The following PRKN variants were observed in gnomAD, a reference collection of about 807,000 sequenced individuals.
PRKN encodes parkin RBR E3 ubiquitin protein ligase.
A neutral mutation model predicts 59.5 loss-of-function variants in PRKN; 56 were observed. That is an observed-to-expected ratio of 0.94 (90% CI 0.76 to 1.18). The LOEUF (loss-of-function observed/expected upper bound fraction) is 1.18. Among genes scored for constraint, PRKN ranks in the 50% most tolerant of loss-of-function variants. The probability of loss-of-function intolerance (pLI) is 0.00; values close to 1 mark genes in which losing one functional copy is unlikely to be tolerated. For synonymous variants in PRKN, 250 were observed against 222.1 expected (o/e 1.13, Z -1.12); for missense variants, 657 against 596.4 (o/e 1.10, Z -1.06).
chr6:162,617,420 C>T (rs1782472750), intron 1 of PRKN, among the ~76,000 whole-genome samples: 1 of 152,064 alleles, frequency 6.6e-6, no homozygotes, highest in Non-Finnish European at 1.5e-5. Context: ...TTGGTAGAGA[C>T]AGGGTTTCAC....
intron 7 of PRKN, among the ~76,000 whole-genome samples, chr6:161,682,103 G>A (rs73783335): frequency 0.014 from 2,204 of 152,314 alleles, 51 homozygotes; most frequent in African/African-American, 0.05. Context: ...TGCACGCACT[G>A]GGCTCAGCTC....
chr6:161,806,738 C>T (rs547022050), intron 6 of PRKN, among the ~76,000 whole-genome samples: 1 of 152,282 alleles, frequency 6.6e-6, no homozygotes, highest in South Asian at 2.1e-4. Context: ...TATTGAACAT[C>T]CATCTGGTAT....
rs954432722 is a variant in PRKN at position 161,386,379 on chromosome 6, G to A, written c.1167+415C>T. ...AAGGACAATGATATCCTTACATAAT[G>A]TCATCTTTCTGTACATGCCACTCAC... On this transcript the variant is annotated intron_variant, in intron 10 of 11. Coordinates refer to ENST00000366898, the MANE Select transcript of PRKN (RefSeq NM_004562.3). The surrounding 1 kb of genome is among the most constrained non-coding windows in gnomAD (Gnocchi z 4.3). Among the ~76,000 whole-genome samples, 7 of 152,154 alleles carry A rather than the reference G, an allele frequency of 4.6e-5. No homozygotes were observed. The highest frequency in any genetic ancestry group is 7.3e-5 in the Non-Finnish European group (5 of 68,032).
chr6:162,608,101 C>T (rs1781996446), intron 1 of PRKN, among the ~76,000 whole-genome samples: 1 of 152,116 alleles, frequency 6.6e-6, no homozygotes, highest in Non-Finnish European at 1.5e-5. Flanking sequence ...GACAGCAATG[C>T]AAAGATTGAA....
intron 1 of PRKN, among the ~76,000 whole-genome samples, chr6:162,556,759 A>AAG (rs1232487863): frequency 2.6e-5 from 4 of 151,130 alleles, no homozygotes; most frequent in African/African-American, 4.9e-5. Context: ...AAAAAAAAAA[A>AAG]AAAAGAGAAA....
intron 1 of PRKN, among the ~76,000 whole-genome samples, chr6:162,700,489 C>G (rs1778117151): frequency 1.3e-5 from 2 of 152,084 alleles, no homozygotes; most frequent in Admixed American, 1.3e-4. Flanking sequence ...TCAACTCCAC[C>G]CACTTCTTAG....
intron 2 of PRKN, among the ~76,000 whole-genome samples, chr6:162,338,506 G>A (rs199743466): frequency 0.072 from 11,019 of 152,212 alleles, 989 homozygotes; most frequent in East Asian, 0.46. Flanking sequence ...CGCCAGCCTC[G>A]GCCTCCCGAG....
intron 2 of PRKN, among the ~76,000 whole-genome samples, chr6:162,377,991 C>A (rs1302079864): frequency 6.6e-6 from 1 of 152,200 alleles, no homozygotes; most frequent in Non-Finnish European, 1.5e-5. Context: ...TCTCTCCCAG[C>A]AGAGTGTGGG....
chr6:161,774,779 C>A (rs1325627766), intron 7 of PRKN, among the ~76,000 whole-genome samples: 1 of 152,210 alleles, frequency 6.6e-6, no homozygotes, highest in Non-Finnish European at 1.5e-5. Flanking sequence ...AGAAGTTAGA[C>A]TATTACCCTG....
At chr6:161,741,080 T>C (rs1180892677) in intron 7 of PRKN, among the ~76,000 whole-genome samples, 1 of 152,222 alleles carries the variant, frequency 6.6e-6, no homozygotes, top group Non-Finnish European at 1.5e-5. Flanking sequence ...TCCACAGCCA[T>C]ACATTTGCAT....
intron 3 of PRKN, among the ~76,000 whole-genome samples, chr6:162,212,148 T>C (rs559462619): frequency 1.3e-3 from 197 of 152,180 alleles, no homozygotes; most frequent in African/African-American, 4.7e-3. Context: ...ATCTAAGACC[T>C]CACTCAGGGG....
intron 1 of PRKN, among the ~76,000 whole-genome samples, chr6:162,681,531 T>G (rs1779768247): frequency 1.3e-5 from 2 of 152,168 alleles, no homozygotes; most frequent in Non-Finnish European, 2.9e-5. Flanking sequence ...GATGGGAAAT[T>G]TAAAGTTACA....
chr6:162,590,080 G>C (rs1051763183), intron 1 of PRKN, among the ~76,000 whole-genome samples: 1 of 152,146 alleles, frequency 6.6e-6, no homozygotes, highest in African/African-American at 2.4e-5. Context: ...GTGTGTGTGT[G>C]CATGTAAACA....
At chr6:162,221,268 A>G (rs1435725316) in intron 3 of PRKN, among the ~76,000 whole-genome samples, 4 of 152,152 alleles carry the variant, frequency 2.6e-5, no homozygotes, top group Admixed American at 6.5e-5. Flanking sequence ...ATTTGCTGCT[A>G]GTTGATGACA....
rs907585626 is a variant in PRKN, at chr6:162,677,000, G to A, written c.7+50662C>T. ...CGCTTGAACCCGGGAGGCAGAGGTA[G>A]CAGTGGGCAGAGACGGTGCAACTGC... On this transcript the variant is annotated intron_variant, in intron 1 of 11. Coordinates refer to ENST00000366898, the MANE Select transcript of PRKN (RefSeq NM_004562.3). 2.0e-5 allele frequency among the ~76,000 whole-genome samples: 3 copies of A among 149,020 alleles called. No individual in the cohort carries two copies. In the Admixed American group the frequency reaches 2.0e-4, roughly 10 times the overall value.
chr6:161,833,393 G>A (rs905497469), intron 6 of PRKN, among the ~76,000 whole-genome samples: 10 of 152,176 alleles, frequency 6.6e-5, no homozygotes, highest in Non-Finnish European at 1.5e-4. Context: ...TTTAAGATAA[G>A]TTAGGTAGCT....
chr6:162,727,428 G>A, intron 1 of PRKN: 1 of 507,050 alleles, frequency 2.0e-6, no homozygotes, highest in Non-Finnish European at 3.5e-6. Context: ...CGGTCTTCAT[G>A]AGAACGCTCA....
At chr6:162,685,256 T>C (rs2128233745) in intron 1 of PRKN, among the ~76,000 whole-genome samples, 1 of 152,276 alleles carries the variant, frequency 6.6e-6, no homozygotes, top group East Asian at 1.9e-4. Context: ...TGCAGTCATC[T>C]TTACAGCACA....
intron 7 of PRKN, among the ~76,000 whole-genome samples, chr6:161,751,358 T>G (rs1788685193): frequency 6.6e-6 from 1 of 152,238 alleles, no homozygotes; most frequent in Non-Finnish European, 1.5e-5. Context: ...GCCAGCTGAA[T>G]AGCTTGGTAC....
Sources: gnomAD v4.1 joint callset for allele counts (sites outside exome capture counted in the v4.1 genomes callset) on GRCh38, gnomAD v4.1.1 for gene constraint, Gnocchi (gnomAD v3.1) non-coding constraint, MANE v1.5 for transcripts, NCBI Gene and HGNC (gene_info 2026-07-23, HGNC 2026-07-21) for gene names.